TMEM163: variants seen among roughly 807,000 people sequenced by gnomAD.
TMEM163 encodes transmembrane protein 163.
In TMEM163, 17 loss-of-function variants were observed where a neutral mutation model predicts 29.3. That is an observed-to-expected ratio of 0.58 (90% CI 0.40 to 0.87). The LOEUF (loss-of-function observed/expected upper bound fraction) is 0.87. Among genes scored for constraint, TMEM163 ranks in the 40% least tolerant of loss-of-function variants. The pLI, the probability that TMEM163 is intolerant of heterozygous loss-of-function variation, is 0.00. For synonymous variants in TMEM163, 157 were observed against 160.6 expected (o/e 0.98, Z 0.17); for missense variants, 303 against 381.5 (o/e 0.79, Z 1.71).
intron 2 of TMEM163, among the ~76,000 whole-genome samples, chr2:134,624,735 C>A (rs187943503): frequency 1.3e-5 from 2 of 151,890 alleles, no homozygotes; most frequent in Non-Finnish European, 2.9e-5. Flanking sequence ...ATGGCGAAAC[C>A]CCGTCTGTAC....
At chr2:134,518,519 CA>C (rs1376881690) in intron 4 of TMEM163, among the ~76,000 whole-genome samples, 1 of 152,214 alleles carries the variant, frequency 6.6e-6, no homozygotes, top group East Asian at 1.9e-4. Context: ...TGACTAAATA[CA>C]AGGCCATCCC....
chr2:134,599,258 C>A (rs912192126), intron 2 of TMEM163, among the ~76,000 whole-genome samples: 1 of 152,144 alleles, frequency 6.6e-6, no homozygotes, highest in African/African-American at 2.4e-5. Context: ...AGGGTTTACA[C>A]GTTTTAGGTG....
intron 2 of TMEM163, among the ~76,000 whole-genome samples, chr2:134,554,639 T>C (rs1228690567): frequency 6.6e-6 from 1 of 152,060 alleles, no homozygotes; most frequent in African/African-American, 2.4e-5. Flanking sequence ...CTTGATTATA[T>C]TGAGAAAGAC....
intron 2 of TMEM163, among the ~76,000 whole-genome samples, chr2:134,708,437 G>A (rs1325838760): frequency 1.3e-5 from 2 of 151,880 alleles, no homozygotes; most frequent in Non-Finnish European, 2.9e-5. Flanking sequence ...CATTTTTAAG[G>A]GTTAAGAGTT....
intron 4 of TMEM163, among the ~76,000 whole-genome samples, chr2:134,507,587 C>T (rs932451058): frequency 3.3e-5 from 5 of 152,102 alleles, no homozygotes; most frequent in Admixed American, 1.3e-4. Context: ...CTGAATAGGC[C>T]GGGTGTGGTG....
chr2:134,552,540 A>G (rs1469071309), intron 2 of TMEM163, among the ~76,000 whole-genome samples: 1 of 152,186 alleles, frequency 6.6e-6, no homozygotes, highest in Non-Finnish European at 1.5e-5. Flanking sequence ...TCCAATGTAG[A>G]CACCAGTAAC....
intron 4 of TMEM163, among the ~76,000 whole-genome samples, chr2:134,515,093 T>C (rs1680030195): frequency 6.6e-6 from 1 of 152,246 alleles, no homozygotes; most frequent in South Asian, 2.1e-4. Flanking sequence ...CAAAAGGCTG[T>C]CTCAGCAACG....
chr2:134,509,839 G>A (rs1679909806), intron 4 of TMEM163, among the ~76,000 whole-genome samples: 1 of 152,240 alleles, frequency 6.6e-6, no homozygotes, highest in Non-Finnish European at 1.5e-5. Flanking sequence ...GCTCTGTAGT[G>A]CGACATCTAA....
intron 4 of TMEM163, among the ~76,000 whole-genome samples, chr2:134,506,906 G>A (rs898175244): frequency 6.6e-6 from 1 of 152,204 alleles, no homozygotes; most frequent in Non-Finnish European, 1.5e-5. Context: ...CAAGGGCATT[G>A]AGGAACCAGG....
chr2:134,478,173 G>A (rs1192872968), intron 5 of TMEM163, among the ~76,000 whole-genome samples: 3 of 152,108 alleles, frequency 2.0e-5, no homozygotes, highest in Non-Finnish European at 4.4e-5. Context: ...TCCAGCAGAT[G>A]TTGGTGCCAT....
intron 4 of TMEM163, among the ~76,000 whole-genome samples, chr2:134,507,558 C>T (rs963433244): frequency 7.2e-5 from 11 of 152,104 alleles, no homozygotes. Flanking sequence ...TTCTGATGTA[C>T]GCTCAAGTTT....
chr2:134,578,955 C>G (rs977197259), intron 2 of TMEM163, among the ~76,000 whole-genome samples: 1 of 152,132 alleles, frequency 6.6e-6, no homozygotes, highest in African/African-American at 2.4e-5. Context: ...TGGATGCACC[C>G]AGTATTTGAA....
rs752979552 is a variant in TMEM163, at chr2:134,674,486, GGCGCGCGCGC to G, written c.322+38704_322+38713del. On this transcript the variant is annotated intron_variant, in intron 2 of 7. Coordinates refer to ENST00000281924, the MANE Select transcript of TMEM163 (RefSeq NM_030923.5). Reference sequence around the variant, plus strand: ...AGCCTCCCAAGTAGCTGGGACTACAGGCGCGCGCGCGCGCGCGCGCGCGCTACCATATCTG... The same window carrying G: ...AGCCTCCCAAGTAGCTGGGACTACAGGCGCGCGCGCGCGCTACCATATCTG... Among the ~76,000 whole-genome samples, 182 of 91,608 alleles carry G rather than the reference GGCGCGCGCGC, an allele frequency of 2.0e-3. 1 individual carries two copies. The highest frequency in any genetic ancestry group is 7.4e-3 in the South Asian group (26 of 3,496). 60.1% of individuals were successfully genotyped at this position (91,608 alleles called of 152,430 possible). A position where few individuals can be genotyped will look rare whatever the true frequency, so the allele number is the denominator to read the frequency against.
intron 2 of TMEM163, among the ~76,000 whole-genome samples, chr2:134,605,729 G>C (rs1264790889): frequency 1.3e-5 from 2 of 151,840 alleles, no homozygotes; most frequent in Non-Finnish European, 2.9e-5. Flanking sequence ...GGGGAGGGGA[G>C]GGGAGGAGAG....
intron 2 of TMEM163, among the ~76,000 whole-genome samples, chr2:134,628,496 T>C (rs1316888304): frequency 6.6e-6 from 1 of 152,246 alleles, no homozygotes; most frequent in African/African-American, 2.4e-5. Flanking sequence ...GGATATATGA[T>C]TGACACCTAG....
intron 2 of TMEM163, among the ~76,000 whole-genome samples, chr2:134,581,308 A>T (rs771138385): frequency 6.6e-6 from 1 of 151,732 alleles, no homozygotes; most frequent in Non-Finnish European, 1.5e-5. Flanking sequence ...AGGCCAACTA[A>T]TTTTTTTTTA....
intron 5 of TMEM163, among the ~76,000 whole-genome samples, chr2:134,471,883 G>A (rs1686809630): frequency 6.6e-6 from 1 of 152,186 alleles, no homozygotes; most frequent in South Asian, 2.1e-4. Context: ...ACTCTACCAG[G>A]TTGCCTCATC....
At chr2:134,673,831 T>G (rs933463493) in intron 2 of TMEM163, among the ~76,000 whole-genome samples, 1 of 152,264 alleles carries the variant, frequency 6.6e-6, no homozygotes, top group Non-Finnish European at 1.5e-5. Flanking sequence ...CTACTGAGGC[T>G]GATCTTGGAC....
At chr2:134,571,343 G>A (rs1180722055) in intron 2 of TMEM163, among the ~76,000 whole-genome samples, 1 of 152,102 alleles carries the variant, frequency 6.6e-6, no homozygotes, top group East Asian at 1.9e-4. Flanking sequence ...GGCCAACAAG[G>A]CTATGGTTTG....
Sources: allele counts gnomAD v4.1 joint callset (sites outside exome capture counted in the v4.1 genomes callset), GRCh38; gene constraint gnomAD v4.1.1; transcripts MANE v1.5; gene names NCBI Gene and HGNC (gene_info 2026-07-23, HGNC 2026-07-21).